Variants in C5 observed in about 807,000 individuals in gnomAD.
C5 encodes the protein C3 and PZP-like alpha-2-macroglobulin domain-containing protein 4.
Under a neutral mutation model 218.8 loss-of-function variants are expected in C5, and 140 were observed. The observed-to-expected ratio is 0.64, with a 90% CI of 0.56 to 0.74. The LOEUF is 0.74. Ranked by LOEUF, C5 falls within the 30% of genes least tolerant of loss-of-function variation. The pLI is 0.00. For synonymous variants in C5, 614 were observed against 682.3 expected (o/e 0.90, Z 1.56); for missense variants, 1,700 against 1,969.6 (o/e 0.86, Z 2.59).
At position 121,032,890 on chromosome 9, in the gene C5, A is replaced by G. The variant is rs540737756; in HGVS notation, c.585-695T>C. On this transcript the variant is annotated intron_variant, in intron 5 of 40. Coordinates refer to ENST00000223642, the MANE Select transcript of C5 (RefSeq NM_001735.3). The stretch of plus-strand genomic sequence containing the variant: ...GTGGTGCATGCTTGTAGTCCCAGCT[A>G]CTTAGGAGGCTGAGGTGGGAGAATT... 2.6e-5 allele frequency among the ~76,000 whole-genome samples: 4 copies of G among 152,216 alleles called. No homozygotes were observed. The South Asian group carries it at 8.3e-4, about 32-fold the overall frequency.
chr9:121,023,358 A>G (rs1183155635), intron 10 of C5, 46 bp downstream of exon 10: 2 of 1,153,690 alleles, frequency 1.7e-6, no homozygotes, highest in Non-Finnish European at 2.6e-6. Flanking sequence ...CATGAACAGA[A>G]CAAGATGATC....
intron 3 of C5, 132 bp downstream of exon 3, chr9:121,042,872 G>C: frequency 1.5e-6 from 1 of 669,518 alleles, no homozygotes; most frequent in Non-Finnish European, 2.6e-6. Context: ...GATGTCTTTG[G>C]GAATTGAGAG....
rs750127089 is a variant in C5, at chr9:121,006,056, T to C, written c.2425A>G (p.Ile809Val). The C allele has an allele frequency of 1.9e-6, 3 of 1,613,592 alleles. No homozygotes were observed. Among genetic ancestry groups the C allele is most frequent in the South Asian group, 2.2e-5 (2 of 91,076 alleles). The change falls in exon 20 of 41, where the codon ATA (isoleucine) becomes GTA (valine). Residue 809 changes from isoleucine (I) to valine (V), a missense_variant and splice_region_variant. Physicochemically the swap from Ile to Val is conservative, Grantham distance 29. Transcript: ENST00000223642. ...IQGVGISNTG[I>V]CVADTVKAKV... The stretch of plus-strand genomic sequence containing the variant: ...GCCTTGACAGTATCAGCAACACATA[T>C]ACCTTCAGCCCAAAGTGGAAGCAAA...
chr9:121,069,191 A>C, the C5 span, among the ~76,000 whole-genome samples: 11 of 152,224 alleles, frequency 7.2e-5, no homozygotes, highest in African/African-American at 2.4e-4. Context: ...CAAAGGAAGC[A>C]ATCAACATAG....
intron 33 of C5, among the ~76,000 whole-genome samples, chr9:120,966,774 C>A (rs533507186): frequency 7.1e-4 from 108 of 152,000 alleles, no homozygotes; most frequent in Middle Eastern, 3.4e-3. Flanking sequence ...CAGGGACTGG[C>A]CACAGAAGGA....
chr9:121,017,697 T>C lies in C5; in HGVS notation c.1662A>G (p.Leu554=), dbSNP rs781079838. Residue 554 remains leucine (L), a synonymous_variant, in exon 13 of 41, where the codon TTA becomes TTG. Transcript: ENST00000223642. ...YIVTGEQTAE[L]VSDSVWLNIE... is the part of the protein sequence containing the mutation. ...TATTTAACCAGACTGAATCAGACACTAATTCTGCTGTCTGTTCTCCTGTGA... is the reference window on the plus strand; with the variant it reads ...TATTTAACCAGACTGAATCAGACACCAATTCTGCTGTCTGTTCTCCTGTGA... 6.8e-6 allele frequency: 11 copies of C among 1,613,458 alleles called. No individual in the cohort carries two copies. The African/African-American group carries it at 1.5e-4, about 22-fold the overall frequency.
At chr9:121,035,194 CAACAAACA>C (rs146910692) in intron 4 of C5, among the ~76,000 whole-genome samples, 3 of 151,994 alleles carry the variant, frequency 2.0e-5, no homozygotes, top group Non-Finnish European at 4.4e-5. Flanking sequence ...GTAAAAACAA[CAACAAACA>C]AACAAACAAA....
chr9:121,026,261 T>A (rs2047422445), intron 8 of C5, among the ~76,000 whole-genome samples: 1 of 152,166 alleles, frequency 6.6e-6, no homozygotes, highest in African/African-American at 2.4e-5. Context: ...TGAACTCATA[T>A]CATCTGTGGT....
the C5 span, among the ~76,000 whole-genome samples, chr9:121,073,276 T>C: frequency 0.37 from 56,703 of 152,088 alleles, 12,619 homozygotes; most frequent in South Asian, 0.64. Context: ...ATTGCCAAGC[T>C]CTTTTCCCCC....
chr9:121,022,705 A>G lies in C5; in HGVS notation c.1116+699T>C, dbSNP rs1397824628. On this transcript the variant is annotated intron_variant, in intron 10 of 40. Coordinates refer to ENST00000223642, the MANE Select transcript of C5 (RefSeq NM_001735.3). ...GAATAAACATTTCCATTTAATCAAC[A>G]TAATAAAATATATTATTTGTAATAA... 4.0e-5 allele frequency among the ~76,000 whole-genome samples: 6 copies of G among 150,290 alleles called. No homozygotes were observed. In the East Asian group the frequency reaches 1.2e-3, roughly 29 times the overall value.
In C5 at chr9:121,030,394, T is replaced by C. The variant is rs1417163441; in HGVS notation, c.758+3A>G. 7.2e-7 allele frequency: 1 copy of C among 1,392,940 alleles called. No homozygotes were observed. Among genetic ancestry groups the C allele is most frequent in the Admixed American group, 2.1e-5 (1 of 47,442 alleles). The allele number at this position is 1,392,940 out of a possible 1,614,324, so 86.3% of individuals were successfully genotyped here. ...AAAACAACAAAAAAACAAATGTTCT[T>C]ACCTTGCTTTTATAGTAATTTCAAA... On this transcript the variant is annotated splice_donor_region_variant and intron_variant, in intron 7 of 40. Coordinates refer to ENST00000223642, the MANE Select transcript of C5 (RefSeq NM_001735.3).
the C5 span, among the ~76,000 whole-genome samples, chr9:121,070,423 A>ATATG: frequency 1.7e-3 from 194 of 115,010 alleles, 1 homozygote; most frequent in Non-Finnish European, 2.4e-3. Context: ...ATATATATAT[A>ATATG]TATGTATGTA....
intron 16 of C5, among the ~76,000 whole-genome samples, chr9:121,014,971 A>T (rs931113415): frequency 9.2e-5 from 14 of 152,196 alleles, no homozygotes; most frequent in Non-Finnish European, 1.8e-4. Context: ...TTTGGATTTT[A>T]GAGCTTGAAG....
rs1009725582 is a variant in C5 at position 121,027,292 on chromosome 9, A to C, written c.759-18T>G. Reference sequence around the variant, plus strand: ...AAAAATATCTGTCAGACAATAGCATAAAACTGTTTTACTAACATGGTTACA... The same window carrying C: ...AAAAATATCTGTCAGACAATAGCATCAAACTGTTTTACTAACATGGTTACA... On this transcript the variant is annotated intron_variant, in intron 7 of 40. Coordinates refer to ENST00000223642, the MANE Select transcript of C5 (RefSeq NM_001735.3). 12 of 1,165,568 alleles carry C rather than the reference A, an allele frequency of 1.0e-5. No homozygotes were observed. The highest frequency in any genetic ancestry group is 1.5e-5 in the Non-Finnish European group (12 of 780,250). 72.2% of individuals were successfully genotyped at this position (1,165,568 alleles called of 1,614,324 possible). A position where few individuals can be genotyped will look rare whatever the true frequency, so the allele number is the denominator to read the frequency against.
the C5 span, among the ~76,000 whole-genome samples, chr9:121,068,459 C>G: frequency 6.6e-6 from 1 of 151,932 alleles, no homozygotes; most frequent in African/African-American, 2.4e-5. Context: ...CTACAAAACA[C>G]TGATGGAAGA....
At chr9:121,070,427 GTATGTATATTCTGTATGTGTATATATA>G in the C5 span, among the ~76,000 whole-genome samples, 402 of 89,080 alleles carry the variant, frequency 4.5e-3, 3 homozygotes, top group Non-Finnish European at 7.7e-3. Flanking sequence ...ATATATATAT[GTATGTATATTCTGTATGTGTATATATA>G]TATGTATATT....
intron 30 of C5, among the ~76,000 whole-genome samples, chr9:120,973,359 C>T (rs2131685702): frequency 6.6e-6 from 1 of 152,310 alleles, no homozygotes; most frequent in Admixed American, 6.5e-5. Flanking sequence ...CTCCGGTGAA[C>T]TCTAAATGAT....
chr9:120,999,997 T>C (rs2047147227), intron 20 of C5: 1 of 431,398 alleles, frequency 2.3e-6, no homozygotes, highest in African/African-American at 2.1e-5. Flanking sequence ...AGGCGGAGCT[T>C]GCAGTGACCC....
Position 121,008,502 on chromosome 9 carries a change from G to A in C5, c.2258-4C>T. 6.2e-7 allele frequency: 1 copy of A among 1,603,032 alleles called. No individual in the cohort carries two copies. The highest frequency in any genetic ancestry group is 8.5e-7 in the Non-Finnish European group (1 of 1,170,244). ...ACTGGTAACAGGGTCTTCATGTCTG[G>A]ACAAAAAAATCATATTCAATTATGG... On this transcript the variant is annotated splice_region_variant and splice_polypyrimidine_tract_variant and intron_variant, in intron 17 of 40. Coordinates refer to ENST00000223642, the MANE Select transcript of C5 (RefSeq NM_001735.3).
Sources: allele counts gnomAD v4.1 joint callset (sites outside exome capture counted in the v4.1 genomes callset), GRCh38; gene constraint gnomAD v4.1.1; transcripts MANE v1.5; gene names NCBI Gene and HGNC (gene_info 2026-07-23, HGNC 2026-07-21).